KDM4B: variants seen among roughly 807,000 people sequenced by gnomAD.
KDM4B encodes the protein lysine demethylase 4B.
In KDM4B, 32 loss-of-function variants were observed where a neutral mutation model predicts 125.2. The observed-to-expected ratio is 0.26, with a 90% CI of 0.19 to 0.34. KDM4B has a LOEUF of 0.34. Among genes scored for constraint, KDM4B ranks in the 10% least tolerant of loss-of-function variants. The probability of loss-of-function intolerance (pLI) is 1.00; values close to 1 mark genes in which losing one functional copy is unlikely to be tolerated. For missense variants in KDM4B, 1,190 were observed against 1,577.7 expected, an observed-to-expected ratio of 0.75 and a Z score of 4.16; for synonymous variants, 721 against 677.9, an observed-to-expected ratio of 1.06 and a Z score of -0.99.
intron 5 of KDM4B, among the ~76,000 whole-genome samples, chr19:5,043,879 GCT>G (rs1282819422): frequency 6.5e-4 from 85 of 130,704 alleles, no homozygotes; most frequent in African/African-American, 2.3e-3. Flanking sequence ...CTTATCCCGT[GCT>G]GTGTTTATCG....
chr19:5,040,395 CGAG>C (rs1191621633), intron 4 of KDM4B, among the ~76,000 whole-genome samples: 1 of 152,072 alleles, frequency 6.6e-6, no homozygotes, highest in African/African-American at 2.4e-5. Flanking sequence ...ACAGAACACA[CGAG>C]GGCACATGTA....
chr19:5,095,611 G>A lies in KDM4B; in HGVS notation c.918+13107G>A, dbSNP rs140902751. ...AGCCTCGGTGCTGGACGCCCCCACA[G>A]TGTGGATCAGATCGCAAGGGGCTGG... On this transcript the variant is annotated intron_variant, in intron 9 of 22. Coordinates refer to ENST00000159111, the MANE Select transcript of KDM4B (RefSeq NM_015015.3). Among the ~76,000 whole-genome samples the A allele has an allele frequency of 2.0e-4, 30 of 152,342 alleles. No homozygotes were observed. The East Asian group carries it at 5.6e-3, about 28-fold the overall frequency.
chr19:5,121,116 C>T (rs1181091312), intron 11 of KDM4B, among the ~76,000 whole-genome samples: 1 of 152,208 alleles, frequency 6.6e-6, no homozygotes, highest in Non-Finnish European at 1.5e-5. Context: ...GGGGTCGTGG[C>T]CCTCGCAGTA....
At chr19:5,022,431 G>A (rs1262050080) in intron 2 of KDM4B, among the ~76,000 whole-genome samples, 1 of 152,102 alleles carries the variant, frequency 6.6e-6, no homozygotes, top group Admixed American at 6.5e-5. Flanking sequence ...AGGCTGGTCC[G>A]TCTGCTTGTC....
intron 13 of KDM4B, 137 bp from the exon 14 acceptor site, chr19:5,133,746 G>C: frequency 1.3e-6 from 1 of 765,544 alleles, no homozygotes. Flanking sequence ...CAGGTGGAGG[G>C]GGAGCTATGG....
chr19:5,029,620 C>T (rs918170992), intron 2 of KDM4B, among the ~76,000 whole-genome samples: 7 of 152,028 alleles, frequency 4.6e-5, no homozygotes, highest in South Asian at 4.1e-4. Flanking sequence ...TCAGGCCAGG[C>T]GTTTATTAGC....
chr19:5,131,448 A>G lies in KDM4B; in HGVS notation c.1688A>G (p.Glu563Gly), dbSNP rs767425353. 19 of 1,606,942 alleles carry G rather than the reference A, an allele frequency of 1.2e-5. No individual in the cohort carries two copies. The highest frequency in any genetic ancestry group is 6.7e-5 in the Admixed American group (4 of 59,308). Residue 563 changes from glutamate to glycine, a missense_variant, in exon 12 of 23, where the codon GAA becomes GGA. This residue lies in a region of KDM4B where 428 missense variants were observed against 405.1 expected (regional missense o/e 1.06). Coordinates refer to ENST00000159111, the MANE Select transcript of KDM4B (RefSeq NM_015015.3). Reference sequence around the variant, plus strand: ...GCCCAGAAGGGTCCGACCTGGAAGGAACCAGTTTCCCCCATGGAGCTGACG... The same window carrying G: ...GCCCAGAAGGGTCCGACCTGGAAGGGACCAGTTTCCCCCATGGAGCTGACG... ...HFAQKGPTWK[E>G]PVSPMELTGP... is the part of the protein sequence containing the mutation.
chr19:5,095,278 G>A (rs531271215), intron 9 of KDM4B, among the ~76,000 whole-genome samples: 3 of 152,318 alleles, frequency 2.0e-5, no homozygotes, highest in Admixed American at 6.5e-5. Context: ...CATGATCCCC[G>A]TGGTCAGATG....
intron 9 of KDM4B, among the ~76,000 whole-genome samples, chr19:5,090,093 G>A (rs1298756134): frequency 6.6e-6 from 1 of 152,142 alleles, no homozygotes; most frequent in Non-Finnish European, 1.5e-5. Flanking sequence ...AGGTGAGGCA[G>A]TGCTGGAAAG....
intron 1 of KDM4B, among the ~76,000 whole-genome samples, chr19:5,008,825 A>G (rs1599403483): frequency 6.9e-6 from 1 of 145,976 alleles, no homozygotes; most frequent in Non-Finnish European, 1.5e-5. Flanking sequence ...CTGGTATCGA[A>G]CTCCTGACCT....
intron 8 of KDM4B, among the ~76,000 whole-genome samples, chr19:5,079,747 TC>T (rs1309324386): frequency 6.6e-6 from 1 of 152,228 alleles, no homozygotes; most frequent in East Asian, 1.9e-4. Context: ...TTTCTTTTTT[TC>T]TAGAGATGGG....
At chr19:5,011,403 C>T (rs1418983287) in intron 1 of KDM4B, among the ~76,000 whole-genome samples, 2 of 152,234 alleles carry the variant, frequency 1.3e-5, no homozygotes, top group African/African-American at 2.4e-5. Flanking sequence ...AGTTCATACT[C>T]ATAGGGTGCC....
In KDM4B at chr19:5,137,989, A is replaced by G; in HGVS notation, c.2469A>G (p.Ala823=). The change falls in exon 18 of 23, where the codon GCA becomes GCG. Residue 823 remains alanine (A), a synonymous_variant. Coordinates refer to ENST00000159111, the MANE Select transcript of KDM4B (RefSeq NM_015015.3). ...RRWIHVICAI[A]VPEARFLNVI... is the part of the protein sequence containing the mutation. ...GGATCCACGTGATCTGTGCCATCGC[A>G]GTCCCCGAGGCGCGCTTCCTGAACG... 1 of 1,612,624 alleles carries G rather than the reference A, an allele frequency of 6.2e-7. No homozygotes were observed. Among genetic ancestry groups the G allele is most frequent in the South Asian group, 1.1e-5 (1 of 91,000 alleles).
At chr19:5,089,154 C>T (rs936752756) in intron 9 of KDM4B, among the ~76,000 whole-genome samples, 12 of 152,192 alleles carry the variant, frequency 7.9e-5, no homozygotes, top group East Asian at 1.9e-4. Flanking sequence ...GCTCCTGCGT[C>T]GCACACCTGG....
intron 9 of KDM4B, among the ~76,000 whole-genome samples, chr19:5,097,886 C>T (rs1037347519): frequency 7.9e-5 from 12 of 152,218 alleles, no homozygotes; most frequent in African/African-American, 2.7e-4. Flanking sequence ...TGGGAACCCT[C>T]CTCCTCCTCA....
intron 1 of KDM4B, among the ~76,000 whole-genome samples, chr19:5,013,376 C>T (rs938325729): frequency 3.3e-5 from 5 of 152,184 alleles, no homozygotes; most frequent in African/African-American, 1.2e-4. Flanking sequence ...AGGCCCTTGT[C>T]TCCGCTGAAG....
At chr19:5,109,467 C>T (rs1318775178) in intron 9 of KDM4B, among the ~76,000 whole-genome samples, 2 of 152,208 alleles carry the variant, frequency 1.3e-5, no homozygotes, top group Non-Finnish European at 2.9e-5. Context: ...AGAACAGTGA[C>T]CTGGGAAGGG....
intron 2 of KDM4B, among the ~76,000 whole-genome samples, chr19:5,026,248 G>C (rs1009142249): frequency 6.7e-6 from 1 of 148,726 alleles, no homozygotes; most frequent in East Asian, 2.1e-4. Context: ...GCCAGGAGCA[G>C]CTGTAGAATC....
intron 11 of KDM4B, 100 bp downstream of exon 11, chr19:5,119,952 T>TGTAAGAATCTGATTC: frequency 1.5e-6 from 2 of 1,377,382 alleles, no homozygotes; most frequent in Non-Finnish European, 9.7e-7. Flanking sequence ...GTCCCCGTTT[T>TGTAAGAATCTGATTC]GTAAGAATCT....
Sources: gnomAD v4.1 joint callset for allele counts (sites outside exome capture counted in the v4.1 genomes callset) on GRCh38, gnomAD v4.1.1 for gene constraint, gnomAD v4.1.1 regional missense constraint, MANE v1.5 for transcripts, NCBI Gene and HGNC (gene_info 2026-07-23, HGNC 2026-07-21) for gene names.